Variants in KDM4C observed in about 807,000 individuals in gnomAD.
The protein encoded by KDM4C is lysine demethylase 4C, also known as lysine-specific demethylase 4C.
In KDM4C, 81 loss-of-function variants were observed where a neutral mutation model predicts 129.3. The ratio of observed to expected loss-of-function variants is 0.63; its 90% CI spans 0.52 to 0.75. KDM4C has a LOEUF of 0.75. KDM4C is among the 30% of genes least tolerant of loss of function. The pLI, the probability that KDM4C is intolerant of heterozygous loss-of-function variation, is 0.00. For synonymous variants in KDM4C, 573 were observed against 456.1 expected (o/e 1.26, Z -3.26); for missense variants, 1,457 against 1,304.0 (o/e 1.12, Z -1.81).
Position 6,905,768 on chromosome 9 carries a change from A to T in KDM4C, c.921+12536A>T, listed in dbSNP as rs181708212. ...AGACATGTTTGCTGGTGTTATTGAGATGGAAGGTGTCTGGGGCAAAGCTAA... is the reference window on the plus strand; with the variant it reads ...AGACATGTTTGCTGGTGTTATTGAGTTGGAAGGTGTCTGGGGCAAAGCTAA... On this transcript the variant is annotated intron_variant, in intron 8 of 21. Transcript: ENST00000381309. 7.2e-5 allele frequency among the ~76,000 whole-genome samples: 11 copies of T among 152,216 alleles called. No individual in the cohort carries two copies. The South Asian group carries it at 1.2e-3, about 17-fold the overall frequency.
At chr9:7,002,276 A>G (rs1304623482) in intron 12 of KDM4C, among the ~76,000 whole-genome samples, 3 of 152,294 alleles carry the variant, frequency 2.0e-5, no homozygotes, top group South Asian at 4.1e-4. Flanking sequence ...ATTACCTAGC[A>G]TATGGTGAAT....
At chr9:6,813,559 A>G (rs1001111816) in intron 3 of KDM4C, among the ~76,000 whole-genome samples, 4 of 152,192 alleles carry the variant, frequency 2.6e-5, no homozygotes, top group African/African-American at 9.7e-5. Flanking sequence ...AGTATGCTTT[A>G]TAGGGATTCT....
At chr9:7,116,464 A>G (rs1452966218) in intron 18 of KDM4C, among the ~76,000 whole-genome samples, 1 of 152,052 alleles carries the variant, frequency 6.6e-6, no homozygotes, top group Non-Finnish European at 1.5e-5. Flanking sequence ...ACAGGCAGGA[A>G]ACTAGGAAGG....
intron 1 of KDM4C, among the ~76,000 whole-genome samples, chr9:6,766,211 G>A (rs1054827020): frequency 1.3e-5 from 2 of 152,052 alleles, no homozygotes; most frequent in African/African-American, 4.8e-5. Context: ...CATTACAGAT[G>A]CTATAGTTAC....
intron 17 of KDM4C, among the ~76,000 whole-genome samples, chr9:7,097,939 C>T (rs1316035596): frequency 6.6e-6 from 1 of 152,176 alleles, no homozygotes; most frequent in Admixed American, 6.5e-5. Flanking sequence ...TGGTTAATGG[C>T]TGTTTATGTG....
intron 8 of KDM4C, among the ~76,000 whole-genome samples, chr9:6,970,804 C>G (rs566162474): frequency 6.0e-4 from 85 of 140,722 alleles, no homozygotes; most frequent in Admixed American, 9.9e-4. Context: ...CCCCCCGCCC[C>G]TAACCCCCAC....
rs185307630 is a variant in KDM4C at position 6,821,684 on chromosome 9, C to T, written c.435+6939C>T. On this transcript the variant is annotated intron_variant, in intron 4 of 21. Coordinates refer to ENST00000381309, the MANE Select transcript of KDM4C (RefSeq NM_015061.6). Reference sequence around the variant, plus strand: ...TTTTTTGAGATGGAGTATGCTCTGTCATACAGGGTGGAGTGCAGTGGCGCG... The same window carrying T: ...TTTTTTGAGATGGAGTATGCTCTGTTATACAGGGTGGAGTGCAGTGGCGCG... Among the ~76,000 whole-genome samples the T allele has an allele frequency of 4.6e-5, 7 of 151,494 alleles. No individual in the cohort carries two copies. In the East Asian group the frequency reaches 1.4e-3, roughly 29 times the overall value.
intron 21 of KDM4C, among the ~76,000 whole-genome samples, chr9:7,171,424 C>T (rs554463865): frequency 1.3e-5 from 2 of 152,264 alleles, no homozygotes; most frequent in African/African-American, 2.4e-5. Context: ...GAGATAGCTT[C>T]GTCTCGTTCT....
chr9:6,780,656 A>G (rs1025660999), intron 1 of KDM4C, among the ~76,000 whole-genome samples: 3 of 150,086 alleles, frequency 2.0e-5, no homozygotes, highest in Admixed American at 6.7e-5. Flanking sequence ...AATCCCAGCT[A>G]CTTGGGAAGG....
At chr9:7,038,700 T>G (rs1301638026) in intron 15 of KDM4C, among the ~76,000 whole-genome samples, 1 of 152,142 alleles carries the variant, frequency 6.6e-6, no homozygotes, top group Non-Finnish European at 1.5e-5. Flanking sequence ...GTCAGCCTGC[T>G]GAGTCATTAT....
At chr9:7,006,774 A>G (rs967473382) in intron 12 of KDM4C, among the ~76,000 whole-genome samples, 3 of 152,028 alleles carry the variant, frequency 2.0e-5, no homozygotes, top group Non-Finnish European at 1.5e-5. Context: ...CGAGTTTTTA[A>G]TTCTGCCAGA....
In KDM4C at chr9:7,133,832, A is replaced by G. The variant is rs560899998; in HGVS notation, c.2781+5596A>G. Among the ~76,000 whole-genome samples, 5 of 152,340 alleles carry G rather than the reference A, an allele frequency of 3.3e-5. No homozygotes were observed. The South Asian group carries it at 1.0e-3, about 32-fold the overall frequency. On this transcript the variant is annotated intron_variant, in intron 19 of 21. Coordinates refer to ENST00000381309, the MANE Select transcript of KDM4C (RefSeq NM_015061.6). The stretch of plus-strand genomic sequence containing the variant: ...GAAAATATCCAAGTGGGTTTGAGAA[A>G]CTAGAACAGAGTTGTTCCCAGAAAC...
At chr9:6,886,510 T>A (rs1432365941) in intron 6 of KDM4C, among the ~76,000 whole-genome samples, 4 of 150,636 alleles carry the variant, frequency 2.7e-5, no homozygotes, top group Non-Finnish European at 5.9e-5. Context: ...TTTTTTTTTT[T>A]TTGAGGAGTC....
At chr9:7,128,277 TA>T (rs576317185) in intron 19 of KDM4C, 41 bp downstream of exon 19, 4,508 of 1,145,760 alleles carry the variant, frequency 3.9e-3, no homozygotes, top group South Asian at 7.9e-3. Context: ...CAGAGTAATT[TA>T]AAAAAAAAAA....
Position 7,103,793 on chromosome 9 carries a change from G to A in KDM4C, c.2533G>A (p.Gly845Arg). ...SFHVTCAHAA[G>R]VLMEPDDWPY... ...CCATGTCACTTGTGCCCATGCTGCT[G>A]GGGTACTGATGGAGCCTGATGACTG... Residue 845 changes from glycine to arginine, a missense_variant, in exon 18 of 22, where the codon GGG becomes AGG. Physicochemically the swap from Gly to Arg is moderately radical, Grantham distance 125. Coordinates refer to ENST00000381309, the MANE Select transcript of KDM4C (RefSeq NM_015061.6). The A allele has an allele frequency of 6.2e-7, 1 of 1,613,980 alleles. No individual in the cohort carries two copies. Among genetic ancestry groups the A allele is most frequent in the Non-Finnish European group, 8.5e-7 (1 of 1,179,944 alleles).
At chr9:7,114,237 C>T (rs1396325886) in intron 18 of KDM4C, among the ~76,000 whole-genome samples, 5 of 152,132 alleles carry the variant, frequency 3.3e-5, no homozygotes, top group Admixed American at 6.5e-5. Flanking sequence ...TAAAATCTCT[C>T]TGCAGCTATA....
intron 8 of KDM4C, among the ~76,000 whole-genome samples, chr9:6,897,248 A>C (rs1816613310): frequency 6.6e-6 from 1 of 152,194 alleles, no homozygotes; most frequent in Non-Finnish European, 1.5e-5. Context: ...TGGGGAAAAT[A>C]GGCAGAGGAG....
chr9:6,787,119 T>A (rs1012716689), intron 1 of KDM4C, among the ~76,000 whole-genome samples: 5 of 152,248 alleles, frequency 3.3e-5, no homozygotes, highest in African/African-American at 1.2e-4. Context: ...TGGCAGAGTA[T>A]ATTTCCTAGA....
At chr9:6,818,332 G>A (rs138034922) in intron 4 of KDM4C, among the ~76,000 whole-genome samples, 30 of 152,272 alleles carry the variant, frequency 2.0e-4, no homozygotes, top group African/African-American at 7.2e-4. Context: ...AGTTTCAAGT[G>A]TATTGTTTGC....
Sources: gnomAD v4.1 joint callset for allele counts (sites outside exome capture counted in the v4.1 genomes callset) on GRCh38, gnomAD v4.1.1 for gene constraint, MANE v1.5 for transcripts, NCBI Gene and HGNC (gene_info 2026-07-23, HGNC 2026-07-21) for gene names.